Variants in PDE4B observed in about 807,000 individuals in gnomAD.
PDE4B encodes the protein phosphodiesterase 4B.
PDE4B carries 20 observed loss-of-function variants against 82.2 expected under a neutral mutation model. That is an observed-to-expected ratio of 0.24 (90% CI 0.17 to 0.35). The LOEUF (loss-of-function observed/expected upper bound fraction) is 0.35, where lower values mean the gene tolerates loss of function less well. Ranked by LOEUF, PDE4B falls within the 10% of genes least tolerant of loss-of-function variation. PDE4B has a pLI of 1.00. For synonymous variants in PDE4B, 320 were observed against 318.9 expected (o/e 1.00, Z -0.04); for missense variants, 655 against 907.2 (o/e 0.72, Z 3.57).
chr1:65,937,224 A>T (rs986538730), intron 3 of PDE4B, among the ~76,000 whole-genome samples: 6 of 152,232 alleles, frequency 3.9e-5, no homozygotes, highest in Non-Finnish European at 8.8e-5. Flanking sequence ...CTTAGGTGTG[A>T]TGTCTAATGT....
At chr1:66,118,665 T>C (rs1645646912) in intron 3 of PDE4B, among the ~76,000 whole-genome samples, 2 of 152,036 alleles carry the variant, frequency 1.3e-5, no homozygotes, top group African/African-American at 4.8e-5. Context: ...TGTATACATA[T>C]GTAACAAACC....
At chr1:66,111,057 A>G (rs970320928) in intron 3 of PDE4B, among the ~76,000 whole-genome samples, 4 of 152,222 alleles carry the variant, frequency 2.6e-5, no homozygotes, top group African/African-American at 9.6e-5. Context: ...AAAACAAAAC[A>G]CTTTTAGCAA....
intron 3 of PDE4B, among the ~76,000 whole-genome samples, chr1:65,985,425 T>C (rs996619149): frequency 6.6e-6 from 1 of 152,182 alleles, no homozygotes; most frequent in African/African-American, 2.4e-5. Flanking sequence ...ACTATGTTAT[T>C]TTTTTCTTAT....
chr1:65,889,565 T>G (rs780922551), intron 1 of PDE4B, among the ~76,000 whole-genome samples: 6 of 151,774 alleles, frequency 4.0e-5, no homozygotes, highest in Admixed American at 6.6e-5. Context: ...TGCTTCATAA[T>G]ATGAAGTATG....
chr1:66,105,733 C>G (rs1001794174), intron 3 of PDE4B, among the ~76,000 whole-genome samples: 24 of 152,008 alleles, frequency 1.6e-4, no homozygotes, highest in African/African-American at 5.6e-4. Context: ...ATGATTGGCT[C>G]TCTGTTTGTC....
chr1:66,198,761 T>C (rs1648571018), intron 3 of PDE4B, among the ~76,000 whole-genome samples: 1 of 151,584 alleles, frequency 6.6e-6, no homozygotes, highest in Non-Finnish European at 1.5e-5. Flanking sequence ...CCCTCCCCCT[T>C]CCCCCCACCC....
chr1:65,972,088 A>G (rs1937440), intron 3 of PDE4B, among the ~76,000 whole-genome samples: 97,964 of 152,060 alleles, frequency 0.64, 31,689 homozygotes, highest in African/African-American at 0.68. Context: ...TTGGTAATAT[A>G]TTATGACTGT....
At chr1:66,096,129 C>G (rs1645109144) in intron 3 of PDE4B, among the ~76,000 whole-genome samples, 2 of 151,702 alleles carry the variant, frequency 1.3e-5, no homozygotes, top group African/African-American at 4.8e-5. Context: ...CCCTATCTAG[C>G]TATAATTTTG....
chr1:66,243,306 G>A (rs527449752), intron 3 of PDE4B, among the ~76,000 whole-genome samples: 3 of 152,120 alleles, frequency 2.0e-5, no homozygotes, highest in African/African-American at 7.2e-5. Flanking sequence ...GAAACATTTC[G>A]CAGTAAGTTA....
At chr1:66,082,147 A>T (rs1476868482) in intron 3 of PDE4B, among the ~76,000 whole-genome samples, 2 of 152,212 alleles carry the variant, frequency 1.3e-5, no homozygotes, top group East Asian at 3.9e-4. Context: ...CCCAGCATTG[A>T]TTAACCTGGT....
At chr1:66,102,177 G>A (rs546669131) in intron 3 of PDE4B, among the ~76,000 whole-genome samples, 28 of 152,084 alleles carry the variant, frequency 1.8e-4, no homozygotes, top group African/African-American at 4.6e-4. Context: ...CCTCTATTCC[G>A]TTCCATTGGT....
At chr1:65,829,693 A>G (rs1646059300) in intron 1 of PDE4B, among the ~76,000 whole-genome samples, 1 of 152,206 alleles carries the variant, frequency 6.6e-6, no homozygotes, top group African/African-American at 2.4e-5. Context: ...ATACTCTTCT[A>G]AATAAACTCA....
At chr1:66,193,323 A>G (rs1315737181) in intron 3 of PDE4B, among the ~76,000 whole-genome samples, 1 of 152,138 alleles carries the variant, frequency 6.6e-6, no homozygotes, top group East Asian at 1.9e-4. Flanking sequence ...TCTAATCTCA[A>G]CTTTGTATTT....
intron 3 of PDE4B, among the ~76,000 whole-genome samples, chr1:66,021,744 G>T (rs375677163): frequency 2.6e-5 from 4 of 152,112 alleles, no homozygotes; most frequent in African/African-American, 9.7e-5. Flanking sequence ...GTCAGGTAGC[G>T]TGATGCCTCC....
chr1:65,826,247 C>G (rs1290318128), intron 1 of PDE4B, among the ~76,000 whole-genome samples: 1 of 152,102 alleles, frequency 6.6e-6, no homozygotes, highest in Admixed American at 6.5e-5. Context: ...TCTGTCCCTG[C>G]CTCCTAAGTT....
intron 7 of PDE4B, among the ~76,000 whole-genome samples, chr1:66,288,654 G>T (rs1161636115): frequency 1.3e-5 from 2 of 152,080 alleles, no homozygotes; most frequent in African/African-American, 4.8e-5. Context: ...GGTGTTACAG[G>T]TTTTCTGAAG....
At chr1:66,222,981 C>T (rs1224405754) in intron 3 of PDE4B, among the ~76,000 whole-genome samples, 2 of 152,130 alleles carry the variant, frequency 1.3e-5, no homozygotes, top group African/African-American at 4.8e-5. Flanking sequence ...TGCTTGTGAA[C>T]TCAGAATACT....
At chr1:66,278,923 A>C (rs1185144569) in intron 7 of PDE4B, among the ~76,000 whole-genome samples, 1 of 151,930 alleles carries the variant, frequency 6.6e-6, no homozygotes, top group Admixed American at 6.6e-5. Flanking sequence ...CCAGGGGAAA[A>C]TAAGGGTTCT....
intron 8 of PDE4B, among the ~76,000 whole-genome samples, chr1:66,344,845 T>C (rs943186951): frequency 6.6e-6 from 1 of 152,184 alleles, no homozygotes; most frequent in Admixed American, 6.5e-5. Context: ...CGAGGGAACA[T>C]TAGTTATGAG....
Sources: allele counts gnomAD v4.1 joint callset (sites outside exome capture counted in the v4.1 genomes callset), GRCh38; gene constraint gnomAD v4.1.1; transcripts MANE v1.5; gene names NCBI Gene and HGNC (gene_info 2026-07-23, HGNC 2026-07-21).